The following XKR4 variants were observed in gnomAD, a reference collection of about 807,000 sequenced individuals.
XKR4 encodes XK related 4.
In XKR4, 12 loss-of-function variants were observed where a neutral mutation model predicts 53.9. That is an observed-to-expected ratio of 0.22 (90% CI 0.14 to 0.36). The LOEUF is 0.36. Ranked by LOEUF, XKR4 falls within the 10% of genes least tolerant of loss-of-function variation. XKR4 has a pLI of 1.00. For missense variants in XKR4, 799 were observed against 859.5 expected, an observed-to-expected ratio of 0.93 and a Z score of 0.88; for synonymous variants, 354 against 362.4, an observed-to-expected ratio of 0.98 and a Z score of 0.26.
intron 1 of XKR4, among the ~76,000 whole-genome samples, chr8:55,349,620 T>C (rs1242861682): frequency 1.3e-5 from 2 of 152,140 alleles, no homozygotes; most frequent in Admixed American, 6.6e-5. Flanking sequence ...CACATTAAAA[T>C]TGAAAATGAC....
intron 1 of XKR4, among the ~76,000 whole-genome samples, chr8:55,289,662 A>AGGAAGGAAG (rs1563316493): frequency 1.1e-5 from 1 of 93,500 alleles, no homozygotes; most frequent in African/African-American, 4.0e-5. Flanking sequence ...AGGAAGGAAA[A>AGGAAGGAAG]GAAAAGAAAA....
chr8:55,421,884 C>G (rs1804939538), intron 2 of XKR4, among the ~76,000 whole-genome samples: 1 of 152,208 alleles, frequency 6.6e-6, no homozygotes, highest in Non-Finnish European at 1.5e-5. Flanking sequence ...GGGCTCAGAA[C>G]AAAACGTCCT....
chr8:55,461,942 CA>C (rs1805664317), intron 2 of XKR4, among the ~76,000 whole-genome samples: 1 of 152,126 alleles, frequency 6.6e-6, no homozygotes, highest in African/African-American at 2.4e-5. Flanking sequence ...TACAAAGAAA[CA>C]AACAAAGCCT....
chr8:55,391,729 A>C (rs1228381442), intron 2 of XKR4, among the ~76,000 whole-genome samples: 1 of 152,182 alleles, frequency 6.6e-6, no homozygotes, highest in Non-Finnish European at 1.5e-5. Context: ...TAAAAAACAA[A>C]ATATAACTAT....
chr8:55,240,360 A>C (rs747021914), intron 1 of XKR4, among the ~76,000 whole-genome samples: 1 of 152,238 alleles, frequency 6.6e-6, no homozygotes, highest in Admixed American at 6.5e-5. Flanking sequence ...GTTCTAAGAT[A>C]TATAGTCCAT....
Position 55,524,044 on chromosome 8 carries a change from T to C in XKR4, c.1770T>C (p.Ile590=). ...CCCCATCATCTCGCCCACCACGGAT[T>C]GAAGAATCAGTCATTAAAATTGACT... ...PSTPSSRPPR[I]EESVIKIDLF... Residue 590 remains isoleucine, a synonymous_variant, in exon 3 of 3, where the codon ATT becomes ATC. Transcript: ENST00000327381. 2.5e-6 allele frequency: 4 copies of C among 1,614,206 alleles called. No individual in the cohort carries two copies. The highest frequency in any genetic ancestry group is 3.4e-6 in the Non-Finnish European group (4 of 1,180,040).
intron 2 of XKR4, among the ~76,000 whole-genome samples, chr8:55,461,219 C>T (rs1261709217): frequency 1.3e-5 from 2 of 152,184 alleles, no homozygotes; most frequent in Non-Finnish European, 2.9e-5. Flanking sequence ...CTGGAAGGCA[C>T]CCCCCAGTAG....
chr8:55,510,253 G>A (rs1806606830), intron 2 of XKR4, among the ~76,000 whole-genome samples: 1 of 152,132 alleles, frequency 6.6e-6, no homozygotes, highest in East Asian at 1.9e-4. Context: ...GGGCAAAGGA[G>A]TCCTTCAGGT....
intron 2 of XKR4, among the ~76,000 whole-genome samples, chr8:55,464,060 G>C (rs1424368971): frequency 6.6e-6 from 1 of 152,094 alleles, no homozygotes; most frequent in Non-Finnish European, 1.5e-5. Context: ...ATGAGAAGAT[G>C]GTACCATTCC....
chr8:55,506,527 C>A (rs1170543840), intron 2 of XKR4, among the ~76,000 whole-genome samples: 4 of 152,182 alleles, frequency 2.6e-5, no homozygotes, highest in African/African-American at 7.2e-5. Context: ...AAGGTCAACA[C>A]CCCATCTTCC....
intron 1 of XKR4, among the ~76,000 whole-genome samples, chr8:55,121,326 T>C (rs1256363609): frequency 6.6e-6 from 1 of 152,172 alleles, no homozygotes; most frequent in East Asian, 1.9e-4. Flanking sequence ...CGTTTCACAT[T>C]CCCACACTTA....
intron 2 of XKR4, among the ~76,000 whole-genome samples, chr8:55,405,891 C>A (rs1452822612): frequency 1.3e-5 from 2 of 152,214 alleles, no homozygotes; most frequent in Non-Finnish European, 2.9e-5. Context: ...TGCTGACTTC[C>A]TTCTCTGTAA....
chr8:55,181,665 T>C (rs1247172068), intron 1 of XKR4, among the ~76,000 whole-genome samples: 1 of 152,064 alleles, frequency 6.6e-6, no homozygotes, highest in Non-Finnish European at 1.5e-5. Flanking sequence ...AGGCAGGAGA[T>C]GATGACAGTG....
At chr8:55,429,203 C>G (rs1805062353) in intron 2 of XKR4, among the ~76,000 whole-genome samples, 1 of 152,118 alleles carries the variant, frequency 6.6e-6, no homozygotes, top group Admixed American at 6.6e-5. Context: ...GGTGCTGGAG[C>G]AACTGGACAT....
intron 2 of XKR4, among the ~76,000 whole-genome samples, chr8:55,444,626 C>A (rs2939628): frequency 2.0e-4 from 31 of 152,200 alleles, no homozygotes; most frequent in African/African-American, 7.2e-4. Context: ...GAATATACAT[C>A]AAAATCATTT....
At chr8:55,380,460 C>A (rs1007379581) in intron 2 of XKR4, among the ~76,000 whole-genome samples, 1 of 152,158 alleles carries the variant, frequency 6.6e-6, no homozygotes, top group Admixed American at 6.5e-5. Context: ...GAAAGGAAAC[C>A]CCTCAGGAAA....
intron 1 of XKR4, among the ~76,000 whole-genome samples, chr8:55,107,737 C>A (rs1328891125): frequency 6.6e-6 from 1 of 152,124 alleles, no homozygotes; most frequent in Non-Finnish European, 1.5e-5. Flanking sequence ...ATAGGTTACA[C>A]CTTTGACTAT....
chr8:55,472,876 T>C (rs2939658), intron 2 of XKR4, among the ~76,000 whole-genome samples: 114,829 of 151,954 alleles, frequency 0.76, 44,045 homozygotes, highest in African/African-American at 0.88. Flanking sequence ...AGAAGCGTTG[T>C]CTTATGTTCT....
At chr8:55,285,903 G>A (rs139962844) in intron 1 of XKR4, among the ~76,000 whole-genome samples, 12 of 152,320 alleles carry the variant, frequency 7.9e-5, no homozygotes, top group African/African-American at 2.9e-4. Context: ...ATTCACAGCA[G>A]TTTGATGGTG....
Sources: allele counts gnomAD v4.1 joint callset (sites outside exome capture counted in the v4.1 genomes callset), GRCh38; gene constraint gnomAD v4.1.1; transcripts MANE v1.5; gene names NCBI Gene and HGNC (gene_info 2026-07-23, HGNC 2026-07-21).